Variants in MYO15B observed in about 807,000 individuals in gnomAD.
MYO15B encodes the protein myosin XVB.
A neutral mutation model predicts 119.3 loss-of-function variants in MYO15B; 207 were observed. The ratio of observed to expected loss-of-function variants is 1.73; its 90% CI spans 1.55 to 1.95. MYO15B has a LOEUF of 1.95. MYO15B is among the 30% of genes most tolerant of loss of function. MYO15B has a pLI of 0.00. For synonymous variants in MYO15B, 966 were observed against 498.9 expected (o/e 1.94, Z -12.48); for missense variants, 2,264 against 1,203.1 (o/e 1.88, Z -13.04).
rs564530154 is a variant in MYO15B at position 75,592,639 on chromosome 17, G to A, written c.2830-40G>A. 20 of 671,262 alleles carry A rather than the reference G, an allele frequency of 3.0e-5. 1 individual carries two copies. The highest frequency in any genetic ancestry group is 2.8e-4 in the African/African-American group (16 of 56,692). The allele number at this position is 671,262 out of a possible 1,614,324, so 41.6% of individuals were successfully genotyped here. A position where few individuals can be genotyped will look rare whatever the true frequency, so the allele number is the denominator to read the frequency against. On this transcript the variant is annotated intron_variant, in intron 8 of 63. Transcript: ENST00000645453. ...AGCCGGAGTAGAGGGAGGCTATGGG[G>A]TGGCAGGCCCCGCTCCCTCACCCCT...
At chr17:75,614,671 A>G in exon 31 of MYO15B, 1 of 701,898 alleles carries the variant, frequency 1.4e-6, no homozygotes, top group Non-Finnish European at 2.6e-6. Flanking sequence ...GCTGCCCAGC[A>G]GGGACCACAC....
At chr17:75,613,624 C>G (rs2058168687) in intron 28 of MYO15B, 81 bp from the exon 29 acceptor site, 2 of 672,412 alleles carry the variant, frequency 3.0e-6, no homozygotes, top group East Asian at 2.7e-5. Flanking sequence ...TTTTGAAACT[C>G]TCATGGGGAC....
At chr17:75,590,091 G>T (rs888176289) in exon 1 of MYO15B, 5 of 398,974 alleles carry the variant, frequency 1.3e-5, no homozygotes, top group Non-Finnish European at 2.2e-5. Context: ...CCCTGAGGGA[G>T]CTGTGGGAAC....
chr17:75,611,231 G>A (rs2058008631), intron 23 of MYO15B, among the ~76,000 whole-genome samples: 1 of 152,052 alleles, frequency 6.6e-6, no homozygotes, highest in African/African-American at 2.4e-5. Context: ...TGAGGTCGAG[G>A]TGTGAGGATT....
intron 1 of MYO15B, 96 bp from the exon 2 acceptor site, chr17:75,590,530 G>A (rs1417808146): frequency 1.7e-5 from 6 of 350,318 alleles, no homozygotes; most frequent in Non-Finnish European, 3.1e-5. Context: ...CTGGGAAGTT[G>A]AATGACTTGC....
At chr17:75,594,365 T>G in intron 9 of MYO15B, 110 bp from the exon 10 acceptor site, 1 of 551,800 alleles carries the variant, frequency 1.8e-6, no homozygotes, top group Non-Finnish European at 3.2e-6. Flanking sequence ...ATGTGACATA[T>G]CTCCCCTTTG....
At chr17:75,603,120 G>GCACCTCCCTC (rs774088877) in intron 18 of MYO15B, 43 bp downstream of exon 18, 1 of 702,992 alleles carries the variant, frequency 1.4e-6, no homozygotes, top group South Asian at 1.5e-5. Flanking sequence ...CCCCCTCCCT[G>GCACCTCCCTC]CACCTCCCTC....
intron 9 of MYO15B, 153 bp downstream of exon 9, chr17:75,592,993 G>A: frequency 5.2e-6 from 3 of 578,110 alleles, no homozygotes; most frequent in Non-Finnish European, 9.3e-6. Flanking sequence ...TGAGAAAGCT[G>A]AGACATAGAG....
Position 75,589,375 on chromosome 17 carries a change from G to C in MYO15B, c.1318G>C (p.Glu440Gln). The stretch of plus-strand genomic sequence containing the variant: ...AGGGCGGGGCCACGAGCGAGGGGAC[G>C]AGGGTCGGGGCCGCGGGAAAGCGGA... Residue 440 changes from glutamate to glutamine, a missense_variant, in exon 1 of 64, where the codon GAG becomes CAG. By Grantham distance (29) the Glu-to-Gln change is conservative. Coordinates refer to ENST00000645453, the Ensembl canonical transcript of MYO15B. This position sits in a 1 kb window ranked among gnomAD's most constrained non-coding sequence, Gnocchi z 4.2. 2.6e-6 allele frequency: 1 copy of C among 381,708 alleles called. No individual in the cohort carries two copies. Among genetic ancestry groups the C allele is most frequent in the East Asian group, 4.1e-5 (1 of 24,212 alleles). 23.6% of individuals were successfully genotyped at this position (381,708 alleles called of 1,614,324 possible).
At chr17:75,592,152 G>T (rs56298033) in intron 6 of MYO15B, 72 bp downstream of exon 6, 168,596 of 701,152 alleles carry the variant, frequency 0.24, 21,169 homozygotes, top group South Asian at 0.28. Context: ...CTTCCCTGGG[G>T]TCCAGACCCT....
At chr17:75,592,042 C>T (rs1464112733) in exon 6 of MYO15B, 1 of 702,860 alleles carries the variant, frequency 1.4e-6, no homozygotes, top group Non-Finnish European at 2.6e-6. Context: ...ATGCCAATGC[C>T]AGCCGCTTCG....
chr17:75,615,716 C>T (rs1205371932), exon 36 of MYO15B: 1 of 694,440 alleles, frequency 1.4e-6, no homozygotes, highest in Non-Finnish European at 2.6e-6. Flanking sequence ...CAGCCCAGGC[C>T]ATGTCCCTGT....
At chr17:75,592,184 G>A (rs1356429794) in intron 6 of MYO15B, 54 bp from the exon 7 acceptor site, 1 of 701,404 alleles carries the variant, frequency 1.4e-6, no homozygotes, top group African/African-American at 1.7e-5. Flanking sequence ...TTCTGCACGG[G>A]GCCCCTGGGT....
Position 75,610,961 on chromosome 17 carries a change from T to A in MYO15B, c.4446+2T>A, listed in dbSNP as rs1179805924. On this transcript the variant is annotated splice_donor_variant, in intron 23 of 63. Transcript: ENST00000645453. LOFTEE classifies it high-confidence loss of function. ...GCCTTGGAGAGAGTGCCAAGCATGG[T>A]AGGTGGCCTGGAAAGTGGGGGGTTT... The A allele has an allele frequency of 2.8e-6, 2 of 702,864 alleles. No homozygotes were observed. Among genetic ancestry groups the A allele is most frequent in the Non-Finnish European group, 5.2e-6 (2 of 384,994 alleles). 43.5% of individuals were successfully genotyped at this position (702,864 alleles called of 1,614,324 possible).
chr17:75,610,559 G>A (rs528962383), intron 22 of MYO15B: 3 of 495,990 alleles, frequency 6.0e-6, no homozygotes, highest in African/African-American at 1.9e-5. Context: ...TCTTTTGCAT[G>A]ATGACTCAAA....
exon 40 of MYO15B, chr17:75,616,892 G>A (rs1483952489): frequency 1.4e-6 from 1 of 703,028 alleles, no homozygotes; most frequent in South Asian, 1.5e-5. Context: ...AAGCTTTCCT[G>A]AGGAAAATCG....
At chr17:75,614,314 G>A in exon 30 of MYO15B, 1 of 702,866 alleles carries the variant, frequency 1.4e-6, no homozygotes, top group East Asian at 2.7e-5. Context: ...TGAGGACCTG[G>A]GGGACCCAGC....
At chr17:75,601,332 AC>A in intron 14 of MYO15B, 105 bp from the exon 15 acceptor site, 1 of 608,308 alleles carries the variant, frequency 1.6e-6, no homozygotes, top group South Asian at 1.9e-5. Flanking sequence ...AGCCAAACCT[AC>A]CCTTATAGTC....
At chr17:75,613,118 G>A (rs985514994) in exon 27 of MYO15B, 5 of 702,674 alleles carry the variant, frequency 7.1e-6, no homozygotes, top group Non-Finnish European at 1.0e-5. Context: ...GCAGAACCCA[G>A]ATGAACAGCA....
Sources: allele counts gnomAD v4.1 joint callset (sites outside exome capture counted in the v4.1 genomes callset), GRCh38; gene constraint gnomAD v4.1.1; non-coding constraint Gnocchi (gnomAD v3.1); transcripts MANE v1.5; gene names NCBI Gene and HGNC (gene_info 2026-07-23, HGNC 2026-07-21).